Variants in CREB5 observed in about 807,000 individuals in gnomAD.
The protein encoded by CREB5 is cyclic AMP-responsive element-binding protein 5.
CREB5 carries 19 observed loss-of-function variants against 57.1 expected under a neutral mutation model. The ratio of observed to expected loss-of-function variants is 0.33; its 90% CI spans 0.23 to 0.49. The LOEUF (loss-of-function observed/expected upper bound fraction) is 0.49, where lower values mean the gene tolerates loss of function less well. CREB5 is among the 20% of genes least tolerant of loss of function. The probability of loss-of-function intolerance (pLI) is 0.99; values close to 1 mark genes in which losing one functional copy is unlikely to be tolerated. For synonymous variants in CREB5, 238 were observed against 238.3 expected (o/e 1.00, Z 0.01); for missense variants, 579 against 671.6 (o/e 0.86, Z 1.52).
chr7:28,779,163 T>C (rs959874641), intron 7 of CREB5: 9 of 152,188 alleles, frequency 5.9e-5, no homozygotes, highest in Admixed American at 1.3e-4. Context: ...TGTAGGTGTG[T>C]GTGTGCTCAC....
Position 28,696,076 on chromosome 7 carries a change from T to A in CREB5, c.465-22677T>A, listed in dbSNP as rs573178876. Among the ~76,000 whole-genome samples, 23 of 152,320 alleles carry A rather than the reference T, an allele frequency of 1.5e-4. No homozygotes were observed. The East Asian group carries it at 4.4e-3, about 29-fold the overall frequency. ...ATCTGACAGTGCAGTGGAGCAGCAT[T>A]TTCACAAGATTCTTCACAGCCAGTT... On this transcript the variant is annotated intron_variant, in intron 5 of 10. Transcript: ENST00000357727.
At chr7:28,666,051 A>G (rs1799811049) in intron 5 of CREB5, among the ~76,000 whole-genome samples, 1 of 152,204 alleles carries the variant, frequency 6.6e-6, no homozygotes. Flanking sequence ...ATCTCTCAAA[A>G]AATAGTAAAC....
chr7:28,368,948 T>A (rs10244140), intron 1 of CREB5, among the ~76,000 whole-genome samples: 149,510 of 152,250 alleles, frequency 0.98, 73,463 homozygotes, highest in East Asian at 1. Flanking sequence ...TGGAAGGCTG[T>A]TGTGGGAGGA....
chr7:28,553,776 T>C (rs1215840635), intron 4 of CREB5, among the ~76,000 whole-genome samples: 1 of 152,240 alleles, frequency 6.6e-6, no homozygotes, highest in Non-Finnish European at 1.5e-5. Context: ...GGAAAATACG[T>C]TAAGTGGCCG....
At chr7:28,420,992 A>G (rs530041577) in intron 1 of CREB5, among the ~76,000 whole-genome samples, 1 of 152,088 alleles carries the variant, frequency 6.6e-6, no homozygotes, top group South Asian at 2.1e-4. Flanking sequence ...ATTTGCATTC[A>G]CTTATTTTTA....
chr7:28,359,308 T>C (rs1786413134), intron 1 of CREB5, among the ~76,000 whole-genome samples: 1 of 152,058 alleles, frequency 6.6e-6, no homozygotes, highest in Non-Finnish European at 1.5e-5. Context: ...TGAAGCTGCA[T>C]TTCCTCAAAA....
At chr7:28,631,899 C>A (rs938238047) in intron 5 of CREB5, among the ~76,000 whole-genome samples, 1 of 152,106 alleles carries the variant, frequency 6.6e-6, no homozygotes, top group Non-Finnish European at 1.5e-5. Flanking sequence ...GAGGAGGCAC[C>A]TGCCAACAGA....
chr7:28,673,932 C>T (rs920478487), intron 5 of CREB5, among the ~76,000 whole-genome samples: 1 of 151,898 alleles, frequency 6.6e-6, no homozygotes, highest in Non-Finnish European at 1.5e-5. Flanking sequence ...CCTCAGCCTC[C>T]CAAAGTGCCA....
At chr7:28,472,892 C>T (rs1790889912) in intron 1 of CREB5, among the ~76,000 whole-genome samples, 1 of 152,144 alleles carries the variant, frequency 6.6e-6, no homozygotes, top group African/African-American at 2.4e-5. Flanking sequence ...TCTTGTGGAC[C>T]ATGCTGCAGC....
intron 4 of CREB5, among the ~76,000 whole-genome samples, chr7:28,553,994 A>AACAAGTTC (rs1794769254): frequency 6.6e-6 from 1 of 152,158 alleles, no homozygotes; most frequent in Admixed American, 6.5e-5. Context: ...ATATCTGCTG[A>AACAAGTTC]ACTTGACCCT....
intron 5 of CREB5, among the ~76,000 whole-genome samples, chr7:28,641,056 C>T (rs896019219): frequency 3.9e-5 from 6 of 152,120 alleles, no homozygotes; most frequent in Admixed American, 3.9e-4. Flanking sequence ...CCACAATGAC[C>T]CCTTCATCTC....
At chr7:28,642,476 A>G (rs936560959) in intron 5 of CREB5, among the ~76,000 whole-genome samples, 22 of 152,134 alleles carry the variant, frequency 1.4e-4, no homozygotes, top group African/African-American at 3.4e-4. Context: ...GCATTTACCA[A>G]CTTCGTTTTT....
chr7:28,716,704 C>T (rs1331474390), intron 5 of CREB5, among the ~76,000 whole-genome samples: 1 of 152,170 alleles, frequency 6.6e-6, no homozygotes, highest in African/African-American at 2.4e-5. Flanking sequence ...CGGAGGATAT[C>T]AACAAATTTG....
intron 1 of CREB5, among the ~76,000 whole-genome samples, chr7:28,400,408 C>A (rs1787434378): frequency 6.6e-6 from 1 of 152,182 alleles, no homozygotes; most frequent in East Asian, 1.9e-4. Context: ...AGTGTTCTTT[C>A]CTTCCCTTCA....
At chr7:28,620,946 A>G (rs990418311) in intron 5 of CREB5, among the ~76,000 whole-genome samples, 1 of 152,208 alleles carries the variant, frequency 6.6e-6, no homozygotes, top group Non-Finnish European at 1.5e-5. Context: ...AATTTTACCT[A>G]AATCCCAGCC....
intron 1 of CREB5, among the ~76,000 whole-genome samples, chr7:28,486,949 A>T (rs1367292401): frequency 6.6e-6 from 1 of 151,762 alleles, no homozygotes; most frequent in Non-Finnish European, 1.5e-5. Flanking sequence ...ATTTTTATTT[A>T]AAAACAAAAC....
chr7:28,321,142 A>T lies in CREB5; in HGVS notation c.-25+21701A>T, dbSNP rs74542872. On this transcript the variant is annotated intron_variant, in intron 1 of 9. Coordinates refer to the CREB5 transcript ENST00000396299. ...ACGCTAGAGCATGTAAAGAACTTGG[A>T]CACACTGCTTGACACTTAGTAAGTG... is the stretch of plus-strand genomic sequence containing the variant. Among the ~76,000 whole-genome samples the T allele has an allele frequency of 1.2e-3, 185 of 152,322 alleles. 1 individual carries two copies. In the East Asian group the frequency reaches 0.024, roughly 19 times the overall value.
At position 28,486,371 on chromosome 7, in the gene CREB5, G is replaced by A. The variant is rs79433279; in HGVS notation, c.4-1804G>A. On this transcript the variant is annotated intron_variant, in intron 1 of 10. Coordinates refer to ENST00000357727, the MANE Select transcript of CREB5 (RefSeq NM_182898.4). ...TTGGTTTTGGTTGAAAGATAGTGAA[G>A]CTTCCTTCAGACAAAGGGTGATTAT... Among the ~76,000 whole-genome samples, 1,133 of 151,894 alleles carry A rather than the reference G, an allele frequency of 7.5e-3. 8 individuals are homozygous for A. The highest frequency in any genetic ancestry group is 0.013 in the Non-Finnish European group (861 of 67,976).
At chr7:28,386,378 C>T (rs1341923780) in intron 1 of CREB5, among the ~76,000 whole-genome samples, 2 of 152,090 alleles carry the variant, frequency 1.3e-5, no homozygotes, top group Admixed American at 6.6e-5. Flanking sequence ...CTTTTGTTGC[C>T]GCTGTTGAGA....
Sources: gnomAD v4.1 joint callset for allele counts (sites outside exome capture counted in the v4.1 genomes callset) on GRCh38, gnomAD v4.1.1 for gene constraint, MANE v1.5 for transcripts, NCBI Gene and HGNC (gene_info 2026-07-23, HGNC 2026-07-21) for gene names.